The following PTPN9 variants were observed in gnomAD, a reference collection of about 807,000 sequenced individuals.
PTPN9 encodes protein tyrosine phosphatase non-receptor type 9, also known as tyrosine-protein phosphatase non-receptor type 9.
Under a neutral mutation model 69.8 loss-of-function variants are expected in PTPN9, and 26 were observed. The ratio of observed to expected loss-of-function variants is 0.37; its 90% CI spans 0.27 to 0.52. The LOEUF (loss-of-function observed/expected upper bound fraction) is 0.52. Ranked by LOEUF, PTPN9 falls within the 20% of genes least tolerant of loss-of-function variation. The pLI, the probability that PTPN9 is intolerant of heterozygous loss-of-function variation, is 0.91. For missense variants in PTPN9, 549 were observed against 740.3 expected (o/e 0.74, Z 3.00); for synonymous variants, 274 against 272.5 (o/e 1.01, Z -0.05).
chr15:75,555,508 T>C (rs747380559), intron 1 of PTPN9, among the ~76,000 whole-genome samples: 2 of 151,920 alleles, frequency 1.3e-5, no homozygotes, highest in Non-Finnish European at 2.9e-5. Flanking sequence ...TTATTATTAT[T>C]ATTATTATTA....
At chr15:75,524,504 G>A (rs544131903) in intron 2 of PTPN9, among the ~76,000 whole-genome samples, 56 of 152,208 alleles carry the variant, frequency 3.7e-4, no homozygotes, top group African/African-American at 1.0e-3. Flanking sequence ...TGGGCCGGGC[G>A]CAGTGGCCCA....
chr15:75,468,868 A>G lies in PTPN9; in HGVS notation c.1683T>C (p.Pro561=), dbSNP rs775230952. 4 of 1,614,060 alleles carry G rather than the reference A, an allele frequency of 2.5e-6. No individual in the cohort carries two copies. Among genetic ancestry groups the G allele is most frequent in the Non-Finnish European group, 3.4e-6 (4 of 1,180,024 alleles). The part of the protein sequence containing the change: ...RTQRAFSIQT[P]EQYYFCYKAI... Reference sequence around the variant, plus strand: ...CCTTGTAGCAAAAATAGTACTGCTCAGGGGTCTGGATGCTGAAGGCCCTCT... The same window carrying G: ...CCTTGTAGCAAAAATAGTACTGCTCGGGGGTCTGGATGCTGAAGGCCCTCT... The change falls in exon 13 of 13, where the codon CCT becomes CCC. Residue 561 remains proline (P), a synonymous_variant. Transcript: ENST00000618819.
At chr15:75,562,821 A>T (rs1030850704) in intron 1 of PTPN9, among the ~76,000 whole-genome samples, 8 of 150,330 alleles carry the variant, frequency 5.3e-5, no homozygotes, top group Admixed American at 1.3e-4. Flanking sequence ...AAAAAAGACA[A>T]TCATCCTAAG....
At chr15:75,490,389 A>G in intron 7 of PTPN9, 88 bp from the exon 8 acceptor site, 4 of 887,820 alleles carry the variant, frequency 4.5e-6, no homozygotes, top group Non-Finnish European at 7.5e-6. Flanking sequence ...AAGGGGTGTC[A>G]ATTACTCTTA....
In PTPN9 at chr15:75,571,379, T is replaced by C. The variant is rs375513465; in HGVS notation, c.63+7335A>G. On this transcript the variant is annotated intron_variant, in intron 1 of 12. Transcript: ENST00000618819. Reference sequence around the variant, plus strand: ...CATCTCCTTATTAATCCTCACAACATTGTAAGGTCTAAATAACATAAACTT... The same window carrying C: ...CATCTCCTTATTAATCCTCACAACACTGTAAGGTCTAAATAACATAAACTT... Among the ~76,000 whole-genome samples, 30 of 152,132 alleles carry C rather than the reference T, an allele frequency of 2.0e-4. No homozygotes were observed. In the South Asian group the frequency reaches 2.1e-3, roughly 11 times the overall value.
intron 3 of PTPN9, 46 bp from the exon 4 acceptor site, chr15:75,523,291 T>C: frequency 6.3e-7 from 1 of 1,590,062 alleles, no homozygotes; most frequent in Non-Finnish European, 8.6e-7. Context: ...AAATAGAAAA[T>C]CACAGCAATT....
At chr15:75,497,524 G>A (rs1266286736) in intron 7 of PTPN9, among the ~76,000 whole-genome samples, 1 of 152,140 alleles carries the variant, frequency 6.6e-6, no homozygotes, top group Admixed American at 6.6e-5. Flanking sequence ...AAAAAGGCCA[G>A]GTGTGGGGGC....
At chr15:75,489,353 C>G (rs2074696975) in intron 8 of PTPN9, among the ~76,000 whole-genome samples, 1 of 152,042 alleles carries the variant, frequency 6.6e-6, no homozygotes. Context: ...CTTAGGGAGG[C>G]TGAGGCAAGA....
At chr15:75,514,354 G>A (rs993610618) in intron 5 of PTPN9, among the ~76,000 whole-genome samples, 2 of 152,038 alleles carry the variant, frequency 1.3e-5, no homozygotes, top group African/African-American at 2.4e-5. Flanking sequence ...CAAGGTGGCT[G>A]GATTGCTTGA....
intron 1 of PTPN9, among the ~76,000 whole-genome samples, chr15:75,560,662 A>T (rs1478280771): frequency 6.6e-6 from 1 of 152,128 alleles, no homozygotes; most frequent in African/African-American, 2.4e-5. Flanking sequence ...GCTTGAGCCC[A>T]GGAGCACGAG....
chr15:75,469,857 C>A lies in PTPN9; in HGVS notation c.1502G>T (p.Arg501Leu), dbSNP rs747400123. The A allele has an allele frequency of 1.2e-6, 2 of 1,613,972 alleles. No individual in the cohort carries two copies. The highest frequency in any genetic ancestry group is 1.7e-5 in the Admixed American group (1 of 60,034). Residue 501 changes from arginine to leucine, a missense_variant, in exon 12 of 13, where the codon CGC becomes CTC. Coordinates refer to ENST00000618819, the MANE Select transcript of PTPN9 (RefSeq NM_002833.4). ...QSLAVSNMGA[R>L]SKGQCPEPPI... ...TGGCTCAGGGCACTGCCCTTTGGAG[C>A]GTGCTCCCATGTTGCTCACAGCCAG... is the stretch of plus-strand genomic sequence containing the variant.
intron 7 of PTPN9, among the ~76,000 whole-genome samples, chr15:75,503,828 C>A (rs1302933123): frequency 1.0e-4 from 12 of 115,960 alleles, no homozygotes; most frequent in Admixed American, 1.7e-4. Flanking sequence ...CCCCGCCCGG[C>A]CAGCCGCCCC....
intron 6 of PTPN9, among the ~76,000 whole-genome samples, chr15:75,507,462 AAAAG>A (rs1410022327): frequency 2.2e-4 from 33 of 148,582 alleles, no homozygotes; most frequent in African/African-American, 4.5e-4. Flanking sequence ...AAAAAAAAAA[AAAAG>A]AAAGAAAAGA....
At chr15:75,520,104 G>A (rs187186100) in intron 4 of PTPN9, among the ~76,000 whole-genome samples, 54 of 152,178 alleles carry the variant, frequency 3.5e-4, no homozygotes, top group East Asian at 5.8e-4. Context: ...ACTTCAGCCC[G>A]AGCAAAAGTG....
chr15:75,464,749 T>C lies in PTPN9; in HGVS notation c.*4020A>G, dbSNP rs2074530160. The C allele has an allele frequency of 6.6e-6, 1 of 152,236 alleles. No homozygotes were observed. Among genetic ancestry groups the C allele is most frequent in the Non-Finnish European group, 1.5e-5 (1 of 68,060 alleles). The allele number at this position is 152,236 out of a possible 1,614,324, so 9.4% of individuals were successfully genotyped here. On this transcript the variant is annotated 3_prime_UTR_variant, in exon 13 of 13. Coordinates refer to ENST00000618819, the MANE Select transcript of PTPN9 (RefSeq NM_002833.4). ...TGTCCCAAGAGACAGGAAGCATTCC[T>C]TTCAGGGAAGGAACCAAATTTCCCT... is the stretch of plus-strand genomic sequence containing the variant.
intron 7 of PTPN9, among the ~76,000 whole-genome samples, chr15:75,502,070 T>C (rs1297595769): frequency 6.6e-6 from 1 of 151,328 alleles, no homozygotes; most frequent in African/African-American, 2.4e-5. Context: ...AGTAGGAGGA[T>C]CGCTTTAACC....
Position 75,470,730 on chromosome 15 carries a change from C to T in PTPN9, c.1309G>A (p.Glu437Lys). 1 of 1,614,238 alleles carries T rather than the reference C, an allele frequency of 6.2e-7. No individual in the cohort carries two copies. The highest frequency in any genetic ancestry group is 8.5e-7 in the Non-Finnish European group (1 of 1,180,044). Residue 437 changes from glutamate to lysine, a missense_variant, in exon 11 of 13, where the codon GAG (glutamate) becomes AAG (lysine). Around this residue, in one of 3 missense-constraint regions of PTPN9, gnomAD observed 457 missense variants for 661.9 expected, o/e 0.69. Coordinates refer to ENST00000618819, the MANE Select transcript of PTPN9 (RefSeq NM_002833.4). ...GTTTTCTTATAATGATTCATGTTCT[C>T]CACGCCTAGATTGGTCACTGTGAGG... ...GFLTVTNLGV[E>K]NMNHYKKTTL...
chr15:75,480,702 G>T (rs1295305743), intron 8 of PTPN9: 2 of 1,311,636 alleles, frequency 1.5e-6, no homozygotes, highest in Non-Finnish European at 2.0e-6. Flanking sequence ...AGCCACCGCC[G>T]CCCCACAGCC....
At chr15:75,484,591 C>A (rs940209656) in intron 8 of PTPN9, among the ~76,000 whole-genome samples, 6 of 152,138 alleles carry the variant, frequency 3.9e-5, no homozygotes, top group Admixed American at 2.0e-4. Context: ...TTGATCCAGG[C>A]TGATAAAAGA....
Sources: gnomAD v4.1 joint callset for allele counts (sites outside exome capture counted in the v4.1 genomes callset) on GRCh38, gnomAD v4.1.1 for gene constraint, gnomAD v4.1.1 regional missense constraint, MANE v1.5 for transcripts, NCBI Gene and HGNC (gene_info 2026-07-23, HGNC 2026-07-21) for gene names.